Variants in OPCML observed in about 807,000 individuals in gnomAD.
OPCML encodes the protein opioid binding protein/cell adhesion molecule like, also known as opioid-binding protein/cell adhesion molecule.
In OPCML, 13 loss-of-function variants were observed where a neutral mutation model predicts 37.8. The observed-to-expected ratio is 0.34, with a 90% CI of 0.22 to 0.55. The LOEUF is 0.55. OPCML is among the 20% of genes least tolerant of loss of function. The pLI, the probability that OPCML is intolerant of heterozygous loss-of-function variation, is 0.91. For missense variants in OPCML, 341 were observed against 435.6 expected (o/e 0.78, Z 1.93); for synonymous variants, 176 against 168.8 (o/e 1.04, Z -0.33).
chr11:133,345,261 T>C (rs1943971220), intron 1 of OPCML, among the ~76,000 whole-genome samples: 2 of 152,208 alleles, frequency 1.3e-5, no homozygotes, highest in East Asian at 3.8e-4. Flanking sequence ...TCCCACTAGG[T>C]GTTCAAAGGG....
intron 1 of OPCML, among the ~76,000 whole-genome samples, chr11:133,009,440 T>C (rs1264080316): frequency 6.6e-6 from 1 of 152,210 alleles, no homozygotes; most frequent in Non-Finnish European, 1.5e-5. Flanking sequence ...TGATACAAGA[T>C]TGATCGACCT....
At chr11:132,803,877 C>A (rs573245088) in intron 2 of OPCML, among the ~76,000 whole-genome samples, 2 of 152,264 alleles carry the variant, frequency 1.3e-5, no homozygotes, top group East Asian at 3.9e-4. Flanking sequence ...GTAAGGCATT[C>A]AAAACAATGC....
At chr11:132,683,462 T>C (rs1943037917) in intron 2 of OPCML, among the ~76,000 whole-genome samples, 3 of 152,204 alleles carry the variant, frequency 2.0e-5, no homozygotes, top group Non-Finnish European at 4.4e-5. Context: ...AAAAAGTAGA[T>C]GATTTAGAGT....
At chr11:133,170,635 T>C (rs1004365015) in intron 1 of OPCML, among the ~76,000 whole-genome samples, 5 of 151,864 alleles carry the variant, frequency 3.3e-5, no homozygotes, top group Admixed American at 6.6e-5. Context: ...TAAACTTGAG[T>C]TTTAGTTTAA....
chr11:133,187,080 T>G (rs1243485660), intron 1 of OPCML, among the ~76,000 whole-genome samples: 1 of 152,122 alleles, frequency 6.6e-6, no homozygotes, highest in Non-Finnish European at 1.5e-5. Flanking sequence ...AGCTGAAAAG[T>G]GACATGATCT....
rs144309149 is a variant in OPCML at position 132,729,243 on chromosome 11, TA to T, written c.147-71925del. On this transcript the variant is annotated intron_variant, in intron 2 of 7. Coordinates refer to ENST00000524381, the MANE Select transcript of OPCML (RefSeq NM_001012393.5). ...TAACAACATCCTTGTAGAGCTCAAG[TA>T]AAAGCAAGATACATTGTACATACCC... Among the ~76,000 whole-genome samples the T allele has an allele frequency of 1.5e-3, 226 of 152,284 alleles. 5 individuals carry two copies. In the East Asian group the frequency reaches 0.037, roughly 25 times the overall value.
chr11:132,926,063 C>T (rs1944979069), intron 2 of OPCML, among the ~76,000 whole-genome samples: 1 of 152,192 alleles, frequency 6.6e-6, no homozygotes. Flanking sequence ...CAGGTTTCTG[C>T]TCAAATGTCA....
intron 3 of OPCML, among the ~76,000 whole-genome samples, chr11:132,608,072 C>A (rs914820321): frequency 3.9e-5 from 6 of 152,176 alleles, no homozygotes; most frequent in Non-Finnish European, 7.3e-5. Context: ...CTGATTTGAT[C>A]TTTACGAATT....
At chr11:133,217,846 G>A (rs1939650017) in intron 1 of OPCML, among the ~76,000 whole-genome samples, 1 of 152,150 alleles carries the variant, frequency 6.6e-6, no homozygotes, top group Non-Finnish European at 1.5e-5. Context: ...TGAGCCCAGG[G>A]CAGCCTGGGC....
chr11:133,089,653 G>C (rs1008025935), intron 1 of OPCML, among the ~76,000 whole-genome samples: 1 of 152,036 alleles, frequency 6.6e-6, no homozygotes, highest in Admixed American at 6.5e-5. Context: ...TTAAGTCCCT[G>C]ATAAATGGTA....
At chr11:133,293,898 ACAC>A (rs372680257) in intron 1 of OPCML, among the ~76,000 whole-genome samples, 23,532 of 142,860 alleles carry the variant, frequency 0.16, 2,206 homozygotes, top group Middle Eastern at 0.22. Flanking sequence ...AAGACTTCAC[ACAC>A]ACACACACAC....
intron 4 of OPCML, among the ~76,000 whole-genome samples, chr11:132,473,164 G>A (rs1287564101): frequency 1.3e-5 from 2 of 152,316 alleles, no homozygotes; most frequent in African/African-American, 4.8e-5. Flanking sequence ...CCAAGTGAAT[G>A]ACCTTTGGCA....
chr11:133,211,987 A>G lies in OPCML; in HGVS notation c.62-268977T>C, dbSNP rs906937275. ...ATGAACGCTGGGCTGTCAGATGGCAAGCCTAGTGCATACAGCCTGATAGCA... is the reference window on the plus strand; with the variant it reads ...ATGAACGCTGGGCTGTCAGATGGCAGGCCTAGTGCATACAGCCTGATAGCA... On this transcript the variant is annotated intron_variant, in intron 1 of 7. Transcript: ENST00000524381. The surrounding 1 kb of genome is among the most constrained non-coding windows in gnomAD (Gnocchi z 4.1). Among the ~76,000 whole-genome samples the G allele has an allele frequency of 6.6e-6, 1 of 152,174 alleles. No individual in the cohort carries two copies.
chr11:133,102,745 A>C (rs1195268145), intron 1 of OPCML, among the ~76,000 whole-genome samples: 1 of 152,128 alleles, frequency 6.6e-6, no homozygotes, highest in African/African-American at 2.4e-5. Flanking sequence ...GCAAGACTCC[A>C]TCTCAAAAAC....
intron 1 of OPCML, among the ~76,000 whole-genome samples, chr11:133,122,274 G>A (rs1172400798): frequency 6.6e-6 from 1 of 152,258 alleles, no homozygotes; most frequent in South Asian, 2.1e-4. Context: ...GCTGCTGGTT[G>A]CCCAACCTTG....
intron 2 of OPCML, among the ~76,000 whole-genome samples, chr11:132,666,602 TGAA>T (rs1191278928): frequency 6.6e-6 from 1 of 152,212 alleles, no homozygotes; most frequent in Non-Finnish European, 1.5e-5. Flanking sequence ...TAGGCCACTC[TGAA>T]GAAGTAACAT....
At chr11:132,935,995 A>T (rs1945355284) in intron 2 of OPCML, among the ~76,000 whole-genome samples, 1 of 152,170 alleles carries the variant, frequency 6.6e-6, no homozygotes, top group South Asian at 2.1e-4. Flanking sequence ...AGCATCCATG[A>T]TCCCCCTGGA....
At chr11:132,464,663 T>G (rs2096114044) in intron 4 of OPCML, among the ~76,000 whole-genome samples, 2 of 152,208 alleles carry the variant, frequency 1.3e-5, no homozygotes, top group South Asian at 4.1e-4. Context: ...AAATCATTGA[T>G]GCTTTCTCGG....
intron 2 of OPCML, among the ~76,000 whole-genome samples, chr11:132,865,388 G>A (rs1317524980): frequency 1.3e-5 from 2 of 152,100 alleles, no homozygotes; most frequent in Admixed American, 6.5e-5. Flanking sequence ...TGCAAACACT[G>A]TAAAAACTCC....
Sources: gnomAD v4.1 joint callset for allele counts (sites outside exome capture counted in the v4.1 genomes callset) on GRCh38, gnomAD v4.1.1 for gene constraint, Gnocchi (gnomAD v3.1) non-coding constraint, MANE v1.5 for transcripts, NCBI Gene and HGNC (gene_info 2026-07-23, HGNC 2026-07-21) for gene names.